Variants in ZFAT observed in about 807,000 individuals in gnomAD.
ZFAT encodes the protein zinc finger and AT-hook domain containing, also known as zinc finger protein ZFAT.
Under a neutral mutation model 117.7 loss-of-function variants are expected in ZFAT, and 64 were observed. The ratio of observed to expected loss-of-function variants is 0.54; its 90% confidence interval spans 0.44 to 0.67. ZFAT has a LOEUF of 0.67. Ranked by LOEUF, ZFAT falls within the 30% of genes least tolerant of loss-of-function variation. The pLI, the probability that ZFAT is intolerant of heterozygous loss-of-function variation, is 0.00. For missense variants in ZFAT, 1,433 were observed against 1,584.5 expected (o/e 0.90, Z 1.62); for synonymous variants, 679 against 615.0 (o/e 1.10, Z -1.54).
chr8:134,564,977 G>A (rs1477782606), intron 11 of ZFAT: 2 of 1,245,426 alleles, frequency 1.6e-6, no homozygotes, highest in Non-Finnish European at 2.1e-6. Flanking sequence ...TGCTTTATCG[G>A]GTGACTCACC....
intron 1 of ZFAT, among the ~76,000 whole-genome samples, chr8:134,670,845 T>C (rs1184194494): frequency 2.6e-5 from 4 of 152,188 alleles, no homozygotes; most frequent in Admixed American, 1.3e-4. Context: ...ACAAAATTGA[T>C]AGACTACTAG....
chr8:134,798,082 T>C, the ZFAT span: 1 of 152,030 alleles, frequency 6.6e-6, no homozygotes. Flanking sequence ...GACTGACATT[T>C]TTCAATTACT....
intron 3 of ZFAT, 114 bp downstream of exon 3, chr8:134,637,347 G>A (rs1830278783): frequency 7.4e-7 from 1 of 1,349,154 alleles, no homozygotes; most frequent in Non-Finnish European, 1.0e-6. Context: ...AGATGGGTGA[G>A]AGCTGAATAA....
chr8:134,765,582 T>C, the ZFAT span: 11 of 152,308 alleles, frequency 7.2e-5, no homozygotes, highest in East Asian at 1.9e-4. Context: ...CTGGTGCAAA[T>C]TGGATTCAGA....
At chr8:134,525,786 C>G (rs1778661657) in intron 12 of ZFAT, among the ~76,000 whole-genome samples, 1 of 152,192 alleles carries the variant, frequency 6.6e-6, no homozygotes, top group Non-Finnish European at 1.5e-5. Context: ...CCGCTGTCAG[C>G]AGAAAGACTG....
At chr8:134,729,047 G>A in the ZFAT span, among the ~76,000 whole-genome samples, 1 of 152,028 alleles carries the variant, frequency 6.6e-6, no homozygotes. Flanking sequence ...ATATTCTTAG[G>A]AGAATTATAC....
chr8:134,622,343 T>C (rs1390507312), intron 3 of ZFAT, among the ~76,000 whole-genome samples: 1 of 152,168 alleles, frequency 6.6e-6, no homozygotes, highest in African/African-American at 2.4e-5. Context: ...TCATTTCCTT[T>C]GGAAAAGACA....
intron 10 of ZFAT, among the ~76,000 whole-genome samples, chr8:134,566,392 T>TAAAAAAAAAAAA (rs1824465511): frequency 1.7e-4 from 2 of 11,618 alleles, no homozygotes; most frequent in Non-Finnish European, 3.4e-4. Context: ...AGACTCCAAC[T>TAAAAAAAAAAAA]CAAAAAAAAA....
In ZFAT at chr8:134,541,086, T is replaced by A. The variant is rs9324581; in HGVS notation, c.2977-8114A>T. ...GCAGGCTCTGTCAGCGCTTCCTCAC[T>A]TGACCTTAAGGGAAATCTTGGACTT... is the stretch of plus-strand genomic sequence containing the variant. On this transcript the variant is annotated intron_variant, in intron 11 of 15. Coordinates refer to ENST00000377838, the MANE Select transcript of ZFAT (RefSeq NM_020863.4). 3.3e-5 allele frequency among the ~76,000 whole-genome samples: 5 copies of A among 152,068 alleles called. No homozygotes were observed. In the East Asian group the frequency reaches 9.7e-4, roughly 29 times the overall value.
rs17778003 is a variant in ZFAT at position 134,657,567 on chromosome 8, C to T, written c.190G>A (p.Gly64Arg). The change falls in exon 2 of 16, where the codon GGA (glycine) becomes AGA (arginine). Residue 64 changes from glycine to arginine, a missense_variant. Physicochemically the swap from Gly to Arg is moderately radical, Grantham distance 125. Transcript: ENST00000377838. ...CACCCCCCAGCCCCCTTACCATCTCCGGTTTTGCTTGAGTTGGGGGGTTCA... is the reference window on the plus strand; with the variant it reads ...CACCCCCCAGCCCCCTTACCATCTCTGGTTTTGCTTGAGTTGGGGGGTTCA... Reference protein sequence around the residue: ...TPEPPNSSKTGDEFLVMKRKR... With the variant: ...TPEPPNSSKTRDEFLVMKRKR... 136,620 of 1,609,118 alleles carry T rather than the reference C, an allele frequency of 0.085. 6,384 individuals carry two copies. Among genetic ancestry groups the T allele is most frequent in the African/African-American group, 0.14 (10,395 of 74,756 alleles).
chr8:134,489,992 T>C (rs1329428756), intron 15 of ZFAT, among the ~76,000 whole-genome samples: 2 of 152,080 alleles, frequency 1.3e-5, no homozygotes. Context: ...TCCAAAGCAT[T>C]GCGGGATCTG....
chr8:134,797,924 G>T, the ZFAT span: 1 of 151,660 alleles, frequency 6.6e-6, no homozygotes, highest in Non-Finnish European at 1.5e-5. Flanking sequence ...CATTATCAAT[G>T]AAGAGGTTAG....
At chr8:134,725,701 A>G in the ZFAT span, among the ~76,000 whole-genome samples, 2 of 151,908 alleles carry the variant, frequency 1.3e-5, no homozygotes, top group African/African-American at 4.8e-5. Context: ...CCTCCCATAC[A>G]TATTGAATGA....
the ZFAT span, among the ~76,000 whole-genome samples, chr8:134,745,185 C>T: frequency 6.6e-6 from 1 of 152,178 alleles, no homozygotes; most frequent in Admixed American, 6.5e-5. Context: ...ACATTTACAG[C>T]CCTGCTCACA....
intron 2 of ZFAT, among the ~76,000 whole-genome samples, chr8:134,639,574 G>A (rs917038868): frequency 1.3e-5 from 2 of 152,222 alleles, no homozygotes; most frequent in Non-Finnish European, 2.9e-5. Flanking sequence ...AAAAAAGCCT[G>A]TGTTTACAGG....
At chr8:134,583,727 A>G in intron 10 of ZFAT, 105 bp downstream of exon 10, 1 of 1,381,800 alleles carries the variant, frequency 7.2e-7, no homozygotes, top group East Asian at 2.4e-5. Flanking sequence ...TCTAACGGGC[A>G]AGTGCTCTTT....
chr8:134,711,882 C>T (rs1330436298), intron 1 of ZFAT, among the ~76,000 whole-genome samples: 12 of 152,160 alleles, frequency 7.9e-5, no homozygotes, highest in Admixed American at 7.9e-4. Flanking sequence ...ACGCTACTTC[C>T]TTCAGCATGG....
chr8:134,721,873 G>T, the ZFAT span, among the ~76,000 whole-genome samples: 4 of 152,212 alleles, frequency 2.6e-5, no homozygotes, highest in African/African-American at 9.7e-5. Flanking sequence ...AGCCCTCACA[G>T]TTGAAGAAGT....
the ZFAT span, among the ~76,000 whole-genome samples, chr8:134,770,646 C>T: frequency 1.3e-5 from 2 of 152,182 alleles, no homozygotes. Context: ...GTTTAGGAAA[C>T]AAGAGAGATA....
Sources: gnomAD v4.1 joint callset for allele counts (sites outside exome capture counted in the v4.1 genomes callset) on GRCh38, gnomAD v4.1.1 for gene constraint, MANE v1.5 for transcripts, NCBI Gene and HGNC (gene_info 2026-07-23, HGNC 2026-07-21) for gene names.